SIPA1L2: variants seen among roughly 807,000 people sequenced by gnomAD.
The protein encoded by SIPA1L2 is signal induced proliferation associated 1 like 2.
Under a neutral mutation model 163.9 loss-of-function variants are expected in SIPA1L2, and 56 were observed. The ratio of observed to expected loss-of-function variants is 0.34; its 90% CI spans 0.28 to 0.43. The LOEUF is 0.43. Ranked by LOEUF, SIPA1L2 falls within the 20% of genes least tolerant of loss-of-function variation. The pLI is 1.00. For synonymous variants in SIPA1L2, 877 were observed against 865.7 expected (o/e 1.01, Z -0.23); for missense variants, 1,974 against 2,193.5 (o/e 0.90, Z 2.00).
At chr1:232,567,634 G>A (rs140421675) in intron 2 of SIPA1L2, among the ~76,000 whole-genome samples, 115 of 152,308 alleles carry the variant, frequency 7.6e-4, no homozygotes, top group African/African-American at 2.1e-3. Flanking sequence ...AGAAACCAGC[G>A]TATTGGACTG....
chr1:232,491,703 C>T (rs1665938706), intron 4 of SIPA1L2, among the ~76,000 whole-genome samples: 1 of 152,018 alleles, frequency 6.6e-6, no homozygotes. Flanking sequence ...GAGAGAAAAC[C>T]CCAGAACCAT....
At chr1:232,493,710 G>A in intron 3 of SIPA1L2, 50 bp from the exon 4 acceptor site, 2 of 1,605,998 alleles carry the variant, frequency 1.2e-6, no homozygotes, top group Non-Finnish European at 1.7e-6. Context: ...AAGGAACAAA[G>A]AGCAGGATGG....
chr1:232,591,349 C>T (rs140705183), intron 1 of SIPA1L2, among the ~76,000 whole-genome samples: 1 of 152,362 alleles, frequency 6.6e-6, no homozygotes, highest in African/African-American at 2.4e-5. Flanking sequence ...CCATATTGGT[C>T]ATGACGGGAT....
chr1:232,398,361 T>C lies in SIPA1L2; in HGVS notation c.*766A>G, dbSNP rs909458705. ...AGTAAGCAGATTCACTCTCATTTCTTTCCAGCAGAGCAACTATACAAAAGT... is the reference window on the plus strand; with the variant it reads ...AGTAAGCAGATTCACTCTCATTTCTCTCCAGCAGAGCAACTATACAAAAGT... On this transcript the variant is annotated 3_prime_UTR_variant, in exon 23 of 23. Transcript: ENST00000674635. The C allele has an allele frequency of 3.3e-5, 5 of 152,608 alleles. No individual in the cohort carries two copies. The highest frequency in any genetic ancestry group is 1.2e-4 in the African/African-American group (5 of 41,440). 9.5% of individuals were successfully genotyped at this position (152,608 alleles called of 1,614,324 possible).
chr1:232,445,617 G>A lies in SIPA1L2; in HGVS notation c.3265C>T (p.Arg1089Trp), dbSNP rs200917620. 1.5e-4 allele frequency: 246 copies of A among 1,613,964 alleles called. No homozygotes were observed. Among genetic ancestry groups the A allele is most frequent in the Non-Finnish European group, 1.9e-4 (228 of 1,180,002 alleles). Residue 1089 changes from arginine to tryptophan, a missense_variant, in exon 11 of 23, where the codon CGG (arginine) becomes TGG (tryptophan). Transcript: ENST00000674635. ...RASPIPGTPD[R>W]LPCQQLLQQA... Reference sequence around the variant, plus strand: ...TGGAGCAGCTGTTGGCACGGCAGCCGGTCGGGCGTGCCGGGGATGGGGGAA... The same window carrying A: ...TGGAGCAGCTGTTGGCACGGCAGCCAGTCGGGCGTGCCGGGGATGGGGGAA...
chr1:232,483,810 C>T lies in SIPA1L2; in HGVS notation c.1963G>A (p.Ala655Thr). The T allele has an allele frequency of 6.2e-7, 1 of 1,613,944 alleles. No homozygotes were observed. The highest frequency in any genetic ancestry group is 8.5e-7 in the Non-Finnish European group (1 of 1,179,916). ...VRLKGFSKYR[A>T]QLDNKTDSTG... ...AACTTACTCTTATTGTCTAGCTGAGCTCGATATTTACTAAATCCTTTCAGT... is the reference window on the plus strand; with the variant it reads ...AACTTACTCTTATTGTCTAGCTGAGTTCGATATTTACTAAATCCTTTCAGT... Residue 655 changes from alanine (A) to threonine (T), a missense_variant, in exon 6 of 23, where the codon GCT becomes ACT. Physicochemically the swap from Ala to Thr is moderately conservative, Grantham distance 58. Coordinates refer to ENST00000674635, the MANE Select transcript of SIPA1L2 (RefSeq NM_020808.5).
intron 6 of SIPA1L2, 121 bp downstream of exon 6, chr1:232,483,671 A>G (rs1265735432): frequency 3.9e-6 from 4 of 1,038,630 alleles, no homozygotes; most frequent in Non-Finnish European, 5.7e-6. Context: ...ATTCCAAATA[A>G]GCTTTCTAGG....
At position 232,432,269 on chromosome 1, in the gene SIPA1L2, G is replaced by A; in HGVS notation, c.4234C>T (p.Pro1412Ser). Residue 1412 changes from proline (P) to serine (S), a missense_variant, in exon 16 of 23, where the codon CCT (proline) becomes TCT (serine). By Grantham distance (74) the Pro-to-Ser change is moderately conservative. Transcript: ENST00000674635. Reference sequence around the variant, plus strand: ...TACCCGGGACATTCAGTCACTTCAGGCTCCTCGGGCGGTGGGCTGCCCTCC... The same window carrying A: ...TACCCGGGACATTCAGTCACTTCAGACTCCTCGGGCGGTGGGCTGCCCTCC... ...KSEGSPPPEE[P>S]EVTECPGMYS... The A allele has an allele frequency of 6.2e-7, 1 of 1,613,934 alleles. No homozygotes were observed. Among genetic ancestry groups the A allele is most frequent in the South Asian group, 1.1e-5 (1 of 91,060 alleles).
rs16857655 is a variant in SIPA1L2, at chr1:232,558,442, G to T, written c.-270+15732C>A. Among the ~76,000 whole-genome samples, 7,383 of 152,242 alleles carry T rather than the reference G, an allele frequency of 0.048. 820 individuals are homozygous for T. The East Asian group carries it at 0.49, about 10-fold the overall frequency. ...CCACGGTTCTGATGGCAAATGTGCC[G>T]GGCAACCTGCAGACCTCTGTCTACC... On this transcript the variant is annotated intron_variant, in intron 2 of 22. Coordinates refer to ENST00000674635, the MANE Select transcript of SIPA1L2 (RefSeq NM_020808.5).
intron 16 of SIPA1L2, among the ~76,000 whole-genome samples, chr1:232,431,646 T>C (rs1456743112): frequency 1.3e-5 from 2 of 152,214 alleles, no homozygotes; most frequent in Non-Finnish European, 2.9e-5. Flanking sequence ...CCAGCCAGCC[T>C]TGCTCTGCAT....
At position 232,399,211 on chromosome 1, in the gene SIPA1L2, T is replaced by C. The variant is rs12043251; in HGVS notation, c.5085A>G (p.Arg1695=). The C allele has an allele frequency of 0.29, 469,010 of 1,613,068 alleles. 75,799 individuals carry two copies. The highest frequency in any genetic ancestry group is 0.73 in the East Asian group (32,634 of 44,782). The change falls in exon 23 of 23, where the codon AGA becomes AGG. Residue 1695 remains arginine, a synonymous_variant. Transcript: ENST00000674635. ...TCGCGGTCTGGGACTCCTCCTGCAG[T>C]CTCATGTTGTCCTGTCTCAGGTGCT... The part of the protein sequence containing the change: ...EVQHLRQDNM[R]LQEESQTATA...
At chr1:232,479,362 A>G (rs968775673) in intron 7 of SIPA1L2, among the ~76,000 whole-genome samples, 7 of 152,246 alleles carry the variant, frequency 4.6e-5, no homozygotes, top group Admixed American at 6.5e-5. Flanking sequence ...TATAGTTGAG[A>G]CAAGTTTCTC....
chr1:232,400,210 G>C (rs1660254557), intron 22 of SIPA1L2, among the ~76,000 whole-genome samples: 1 of 152,054 alleles, frequency 6.6e-6, no homozygotes, highest in South Asian at 2.1e-4. Flanking sequence ...TTCACTCTAA[G>C]AAGCAGCTGC....
Position 232,476,478 on chromosome 1 carries a change from G to A in SIPA1L2, c.2085+3149C>T, listed in dbSNP as rs2102959217. Among the ~76,000 whole-genome samples, 2 of 152,248 alleles carry A rather than the reference G, an allele frequency of 1.3e-5. 1 individual carries two copies. The highest frequency in any genetic ancestry group is 6.8e-3 in the Middle Eastern group (2 of 294). ...TTTCGTTGCCAAAGTGAAGTTTAAA[G>A]CTAATTTGTGAAGCTCTTCCCACTG... On this transcript the variant is annotated intron_variant, in intron 7 of 22. Transcript: ENST00000674635.
intron 10 of SIPA1L2, among the ~76,000 whole-genome samples, chr1:232,449,115 A>G (rs933020969): frequency 2.6e-5 from 4 of 152,192 alleles, no homozygotes; most frequent in Non-Finnish European, 5.9e-5. Context: ...GAACAACTAG[A>G]TCGCTGAAGA....
rs189957988 is a variant in SIPA1L2 at position 232,512,814 on chromosome 1, T to A, written c.1483+1043A>T. Among the ~76,000 whole-genome samples the A allele has an allele frequency of 7.3e-3, 1,103 of 151,898 alleles. 32 individuals are homozygous for A. Among genetic ancestry groups the A allele is most frequent in the Admixed American group, 0.049 (754 of 15,250 alleles). On this transcript the variant is annotated intron_variant, in intron 3 of 22. Transcript: ENST00000674635. Reference sequence around the variant, plus strand: ...CCAGAACTTAAAGTAAAAAAAAAAATAAATAAATAAAAGTACAGTGAGCTC... The same window carrying A: ...CCAGAACTTAAAGTAAAAAAAAAAAAAAATAAATAAAAGTACAGTGAGCTC...
At chr1:232,482,266 T>C (rs1398653209) in intron 6 of SIPA1L2, among the ~76,000 whole-genome samples, 2 of 152,172 alleles carry the variant, frequency 1.3e-5, no homozygotes, top group Non-Finnish European at 2.9e-5. Context: ...GTTTTACAGG[T>C]GACACAGATC....
Position 232,415,603 on chromosome 1 carries a change from C to G in SIPA1L2, c.4653G>C (p.Gly1551=). 6.2e-7 allele frequency: 1 copy of G among 1,614,074 alleles called. No homozygotes were observed. The highest frequency in any genetic ancestry group is 8.5e-7 in the Non-Finnish European group (1 of 1,179,988). ...SLRNEFWFSD[G]SLSDKSKCAD... is the part of the protein sequence containing the mutation. The stretch of plus-strand genomic sequence containing the variant: ...CGCACTTGGACTTATCTGATAAGGA[C>G]CCATCGGAGAACCAGAACTCATCTA... Residue 1551 remains glycine (G), a synonymous_variant, in exon 19 of 23, where the codon GGG becomes GGC. Coordinates refer to ENST00000674635, the MANE Select transcript of SIPA1L2 (RefSeq NM_020808.5).
At chr1:232,545,189 G>A (rs972440788) in intron 2 of SIPA1L2, among the ~76,000 whole-genome samples, 1 of 152,206 alleles carries the variant, frequency 6.6e-6, no homozygotes, top group African/African-American at 2.4e-5. Context: ...CAGCAATGCC[G>A]TAAGCGTAAA....
Sources: gnomAD v4.1 joint callset for allele counts (sites outside exome capture counted in the v4.1 genomes callset) on GRCh38, gnomAD v4.1.1 for gene constraint, MANE v1.5 for transcripts, NCBI Gene and HGNC (gene_info 2026-07-23, HGNC 2026-07-21) for gene names.